Variants in SLC2A9 observed in about 807,000 individuals in gnomAD.
The protein encoded by SLC2A9 is solute carrier family 2 member 9.
A neutral mutation model predicts 50.6 loss-of-function variants in SLC2A9; 39 were observed. The ratio of observed to expected loss-of-function variants is 0.77; its 90% CI spans 0.60 to 1.01. The LOEUF is 1.01. Ranked by LOEUF, SLC2A9 falls within the 50% of genes least tolerant of loss-of-function variation. The pLI is 0.00. For synonymous variants in SLC2A9, 324 were observed against 276.9 expected (o/e 1.17, Z -1.69); for missense variants, 686 against 677.6 (o/e 1.01, Z -0.14).
At chr4:9,995,671 T>C (rs1030088770) in intron 3 of SLC2A9, 3 of 152,222 alleles carry the variant, frequency 2.0e-5, no homozygotes, top group Non-Finnish European at 4.4e-5. Flanking sequence ...CCAAATAATG[T>C]GGTCAATGAC....
At chr4:9,823,172 A>T (rs922255008), downstream of SLC2A9, among the ~76,000 whole-genome samples, 1 of 152,202 alleles carries the variant, frequency 6.6e-6, no homozygotes, top group South Asian at 2.1e-4. Flanking sequence ...AAGAAGAAAT[A>T]TAAACCTCCA....
chr4:10,014,604 C>A (rs1762301978), intron 2 of SLC2A9, among the ~76,000 whole-genome samples: 1 of 152,206 alleles, frequency 6.6e-6, no homozygotes, highest in African/African-American at 2.4e-5. Context: ...TCCCAGAAAG[C>A]CTTGAGCTCT....
intron 1 of SLC2A9, among the ~76,000 whole-genome samples, chr4:10,028,386 C>T (rs952491234): frequency 2.6e-5 from 4 of 152,226 alleles, no homozygotes; most frequent in Non-Finnish European, 5.9e-5. Context: ...CTCATCCTGG[C>T]TCCTCGTTTG....
intron 3 of SLC2A9, among the ~76,000 whole-genome samples, chr4:9,787,519 C>T (rs188273892): frequency 2.0e-5 from 3 of 152,284 alleles, no homozygotes; most frequent in Admixed American, 6.5e-5. Context: ...AGATGTGATG[C>T]CCATTTACTC....
At chr4:9,812,092 A>C (rs1722968189) in intron 3 of SLC2A9, among the ~76,000 whole-genome samples, 1 of 152,206 alleles carries the variant, frequency 6.6e-6, no homozygotes, top group Non-Finnish European at 1.5e-5. Flanking sequence ...CCTAAGTAAT[A>C]AACATTCATT....
intron 5 of SLC2A9, among the ~76,000 whole-genome samples, chr4:9,956,495 A>G (rs1751314008): frequency 6.6e-6 from 1 of 151,934 alleles, no homozygotes; most frequent in Non-Finnish European, 1.5e-5. Context: ...ACAAAAAAAC[A>G]AAAAAACAAA....
At chr4:9,962,593 T>C (rs2108941457) in intron 5 of SLC2A9, among the ~76,000 whole-genome samples, 1 of 152,030 alleles carries the variant, frequency 6.6e-6, no homozygotes, top group Non-Finnish European at 1.5e-5. Context: ...GGAGGGACAG[T>C]AAACAACCTA....
At chr4:9,980,513 G>C (rs1022108451) in intron 5 of SLC2A9, 79 bp downstream of exon 5, 20 of 1,601,962 alleles carry the variant, frequency 1.2e-5, no homozygotes, top group Non-Finnish European at 1.5e-5. Flanking sequence ...ACAGGGACCA[G>C]CTTTTGGAGA....
chr4:9,939,007 T>C (rs1318187450), intron 6 of SLC2A9, among the ~76,000 whole-genome samples: 1 of 152,230 alleles, frequency 6.6e-6, no homozygotes, highest in Non-Finnish European at 1.5e-5. Flanking sequence ...CCTACGTTTA[T>C]GTCCTCTACC....
intron 1 of SLC2A9, 55 bp downstream of exon 1, chr4:10,021,225 C>G: frequency 1.3e-6 from 2 of 1,586,570 alleles, no homozygotes; most frequent in East Asian, 2.2e-5. Context: ...GGCTGCCACC[C>G]AGGCCTGCCT....
upstream of SLC2A9, among the ~76,000 whole-genome samples, chr4:10,023,015 G>A (rs1475711608): frequency 6.6e-6 from 1 of 152,192 alleles, no homozygotes; most frequent in Non-Finnish European, 1.5e-5. Flanking sequence ...CTCATTGAGT[G>A]GTGGGCCTAG....
downstream of SLC2A9, among the ~76,000 whole-genome samples, chr4:9,795,331 A>C (rs1315183822): frequency 1.3e-5 from 2 of 152,128 alleles, no homozygotes; most frequent in Non-Finnish European, 2.9e-5. Context: ...TTCTATCCTC[A>C]GACTGATGCT....
At chr4:10,012,137 A>C (rs1761868449) in intron 2 of SLC2A9, among the ~76,000 whole-genome samples, 1 of 152,256 alleles carries the variant, frequency 6.6e-6, no homozygotes, top group Non-Finnish European at 1.5e-5. Context: ...AAAACCACGC[A>C]CTATCTGGAC....
At chr4:9,856,672 T>C (rs971839329) in intron 10 of SLC2A9, among the ~76,000 whole-genome samples, 5 of 152,310 alleles carry the variant, frequency 3.3e-5, no homozygotes, top group Admixed American at 6.5e-5. Context: ...TGTATGTTCA[T>C]TGCAGCAACT....
chr4:9,878,940 A>C (rs1303940102), intron 10 of SLC2A9: 2 of 680,596 alleles, frequency 2.9e-6, no homozygotes, highest in Non-Finnish European at 3.6e-6. Context: ...AAATACACAC[A>C]CACATTTGGT....
At chr4:9,942,429 G>T (rs925384320) in intron 5 of SLC2A9, among the ~76,000 whole-genome samples, 13 of 152,290 alleles carry the variant, frequency 8.5e-5, no homozygotes, top group African/African-American at 2.9e-4. Flanking sequence ...GCTGCCCCAA[G>T]AATGGAGCCT....
At chr4:9,879,441 G>C (rs1169508403) in intron 10 of SLC2A9, 2 of 985,206 alleles carry the variant, frequency 2.0e-6, no homozygotes, top group African/African-American at 1.7e-5. Context: ...TGTGGCTCCA[G>C]ATGGCTGCAG....
intron 6 of SLC2A9, among the ~76,000 whole-genome samples, chr4:9,926,491 C>G (rs767972579): frequency 6.6e-6 from 1 of 151,146 alleles, no homozygotes; most frequent in Non-Finnish European, 1.5e-5. Context: ...AACCAGTGTT[C>G]GATGTTGGCA....
At chr4:9,946,404 T>C (rs1336427283) in intron 5 of SLC2A9, among the ~76,000 whole-genome samples, 1 of 152,290 alleles carries the variant, frequency 6.6e-6, no homozygotes, top group East Asian at 1.9e-4. Context: ...AAATCATTAC[T>C]CTTACCCCAA....
Sources: gnomAD v4.1 joint callset for allele counts (sites outside exome capture counted in the v4.1 genomes callset) on GRCh38, gnomAD v4.1.1 for gene constraint, MANE v1.5 for transcripts, NCBI Gene and HGNC (gene_info 2026-07-23, HGNC 2026-07-21) for gene names.